The following VAPB variants were observed in gnomAD, a reference collection of about 807,000 sequenced individuals.
VAPB encodes the protein vesicle-associated membrane protein-associated protein B/C.
In VAPB, 7 loss-of-function variants were observed where a neutral mutation model predicts 25.6. The ratio of observed to expected loss-of-function variants is 0.27; its 90% confidence interval spans 0.16 to 0.51. VAPB has a LOEUF of 0.51. Among genes scored for constraint, VAPB ranks in the 20% least tolerant of loss-of-function variants. The pLI, the probability that VAPB is intolerant of heterozygous loss-of-function variation, is 0.97. For synonymous variants in VAPB, 112 were observed against 109.2 expected, an observed-to-expected ratio of 1.03 and a Z score of -0.16; for missense variants, 266 against 301.3, an observed-to-expected ratio of 0.88 and a Z score of 0.87.
rs1228344674 is a variant in VAPB, at chr20:58,446,678, C to G, written c.*2443C>G. The G allele has an allele frequency of 2.2e-6, 1 of 454,040 alleles. No homozygotes were observed. Among genetic ancestry groups the G allele is most frequent in the South Asian group, 1.6e-5 (1 of 64,470 alleles). 28.1% of individuals were successfully genotyped at this position (454,040 alleles called of 1,614,324 possible). ...AAAAATCAGTCTCTGAAGTCTCTCT[C>G]CCTTCTAGAGGTTAGGACTTGGTGA... On this transcript the variant is annotated 3_prime_UTR_variant, in exon 6 of 6. Coordinates refer to ENST00000475243, the MANE Select transcript of VAPB (RefSeq NM_004738.5).
chr20:58,407,663 G>GT (rs966758284), intron 1 of VAPB, among the ~76,000 whole-genome samples: 174 of 135,862 alleles, frequency 1.3e-3, no homozygotes, highest in African/African-American at 2.0e-3. Context: ...TTTTTTTTTT[G>GT]TTTTTTTTTT....
chr20:58,395,786 G>C lies in VAPB; in HGVS notation c.58+6269G>C, dbSNP rs1325916591. ...TGCTTTGGCCTTGCTCAGTGGGTATGTGCGTTCTTTGAAGTTCTTACCTGA... is the reference window on the plus strand; with the variant it reads ...TGCTTTGGCCTTGCTCAGTGGGTATCTGCGTTCTTTGAAGTTCTTACCTGA... On this transcript the variant is annotated intron_variant, in intron 1 of 5. Transcript: ENST00000475243. Among the ~76,000 whole-genome samples, 11 of 152,166 alleles carry C rather than the reference G, an allele frequency of 7.2e-5. No individual in the cohort carries two copies. In the East Asian group the frequency reaches 2.1e-3, roughly 29 times the overall value.
At position 58,389,275 on chromosome 20, in the gene VAPB, GC is replaced by G; in HGVS notation, c.-181del. 1 of 699,684 alleles carries G rather than the reference GC, an allele frequency of 1.4e-6. No homozygotes were observed. The highest frequency in any genetic ancestry group is 1.8e-5 in the African/African-American group (1 of 54,426). 43.3% of individuals were successfully genotyped at this position (699,684 alleles called of 1,614,324 possible). ...CACCGCGGCCTCGCCCTCGCCCTCC[GC>G]CCCTGCGCCTGCACCGCGTAGACCG... On this transcript the variant is annotated 5_prime_UTR_variant, in exon 1 of 6. Transcript: ENST00000475243.
chr20:58,402,079 T>C (rs1279447920), intron 1 of VAPB, among the ~76,000 whole-genome samples: 4 of 152,246 alleles, frequency 2.6e-5, no homozygotes, highest in Non-Finnish European at 4.4e-5. Context: ...GATGCAAATC[T>C]GAGCATATCT....
intron 2 of VAPB, among the ~76,000 whole-genome samples, chr20:58,424,978 A>G (rs1988755956): frequency 6.6e-6 from 1 of 152,264 alleles, no homozygotes; most frequent in African/African-American, 2.4e-5. Context: ...CATGATCTCA[A>G]CGTGTTCTGG....
At chr20:58,396,717 A>C (rs1277642046) in intron 1 of VAPB, among the ~76,000 whole-genome samples, 1 of 152,230 alleles carries the variant, frequency 6.6e-6, no homozygotes, top group African/African-American at 2.4e-5. Flanking sequence ...TTGCAATATA[A>C]GGGTAAAGAA....
intron 5 of VAPB, among the ~76,000 whole-genome samples, chr20:58,442,667 G>A (rs181538369): frequency 1.3e-5 from 2 of 152,320 alleles, no homozygotes; most frequent in South Asian, 2.1e-4. Context: ...ATATGTGCCC[G>A]GCACTGTGGA....
chr20:58,435,792 TTC>T (rs1257686240), intron 3 of VAPB, among the ~76,000 whole-genome samples: 1 of 152,198 alleles, frequency 6.6e-6, no homozygotes, highest in East Asian at 1.9e-4. Context: ...TATGAAAACT[TTC>T]TCTGATTTTC....
At chr20:58,427,659 G>T (rs1226313506) in intron 2 of VAPB, among the ~76,000 whole-genome samples, 2 of 151,936 alleles carry the variant, frequency 1.3e-5, no homozygotes, top group Non-Finnish European at 2.9e-5. Context: ...TTATGATGCA[G>T]GCAGAAGTGA....
At chr20:58,420,283 C>G (rs1174096550) in intron 2 of VAPB, among the ~76,000 whole-genome samples, 5 of 152,234 alleles carry the variant, frequency 3.3e-5, no homozygotes, top group Non-Finnish European at 7.3e-5. Flanking sequence ...CCGCGCCAGG[C>G]ATCTCCGTCT....
chr20:58,421,230 A>G (rs935324039), intron 2 of VAPB, among the ~76,000 whole-genome samples: 1 of 152,212 alleles, frequency 6.6e-6, no homozygotes, highest in Non-Finnish European at 1.5e-5. Context: ...TGTCTACCTT[A>G]CAGAATATAT....
chr20:58,398,942 T>C (rs1386022531), intron 1 of VAPB, among the ~76,000 whole-genome samples: 1 of 151,852 alleles, frequency 6.6e-6, no homozygotes, highest in Admixed American at 6.6e-5. Flanking sequence ...TTATTTATTA[T>C]GTTAGGAAGA....
chr20:58,418,934 A>G (rs1011437834), intron 2 of VAPB, among the ~76,000 whole-genome samples: 3 of 152,176 alleles, frequency 2.0e-5, no homozygotes, highest in African/African-American at 7.2e-5. Flanking sequence ...TCTGTCTGGG[A>G]GTGCATGTAT....
chr20:58,429,038 T>C (rs149153504), intron 2 of VAPB, among the ~76,000 whole-genome samples: 1 of 152,310 alleles, frequency 6.6e-6, no homozygotes, highest in African/African-American at 2.4e-5. Flanking sequence ...AAGTGAGTCT[T>C]TGGGGCCTGA....
intron 1 of VAPB, among the ~76,000 whole-genome samples, chr20:58,395,821 G>A (rs192393359): frequency 6.6e-6 from 1 of 152,280 alleles, no homozygotes; most frequent in Admixed American, 6.5e-5. Flanking sequence ...ACAGATGTGG[G>A]CAGCTGGCTT....
At chr20:58,439,525 A>G in intron 4 of VAPB, 1 of 184,016 alleles carries the variant, frequency 5.4e-6, no homozygotes, top group Non-Finnish European at 1.2e-5. Context: ...TTTGGGGCAA[A>G]TCCTTGGTGG....
chr20:58,447,874 G>A lies in VAPB; in HGVS notation c.*3639G>A. 2.2e-6 allele frequency: 1 copy of A among 453,974 alleles called. No homozygotes were observed. The highest frequency in any genetic ancestry group is 2.4e-5 in the Admixed American group (1 of 42,552). 28.1% of individuals were successfully genotyped at this position (453,974 alleles called of 1,614,324 possible). The stretch of plus-strand genomic sequence containing the variant: ...AGTTTGAGAAATACATGTATGAAGA[G>A]ATAGGGGTCTTGGGCTTCCCAGTGT... On this transcript the variant is annotated 3_prime_UTR_variant, in exon 6 of 6. Transcript: ENST00000475243.
intron 2 of VAPB, among the ~76,000 whole-genome samples, chr20:58,423,414 CAAAAAAAAAAAAAAAAAAAA>C (rs59133081): frequency 5.2e-3 from 180 of 34,774 alleles, no homozygotes; most frequent in Middle Eastern, 0.056. Flanking sequence ...CTCCATCTCA[CAAAAAAAAAAAAAAAAAAAA>C]AAAAAAAAAA....
chr20:58,446,539 A>G lies in VAPB; in HGVS notation c.*2304A>G, dbSNP rs1235187992. On this transcript the variant is annotated 3_prime_UTR_variant, in exon 6 of 6. Transcript: ENST00000475243. ...TGTGAGTCTGTAACAGTTCTTAAAA[A>G]GAATATCTGAGAAACTACTCTGTTT... 2.2e-6 allele frequency: 1 copy of G among 453,948 alleles called. No individual in the cohort carries two copies. The highest frequency in any genetic ancestry group is 4.4e-6 in the Non-Finnish European group (1 of 226,712). 28.1% of individuals were successfully genotyped at this position (453,948 alleles called of 1,614,324 possible). A position where few individuals can be genotyped will look rare whatever the true frequency, so the allele number is the denominator to read the frequency against.
Sources: allele counts gnomAD v4.1 joint callset (sites outside exome capture counted in the v4.1 genomes callset), GRCh38; gene constraint gnomAD v4.1.1; transcripts MANE v1.5; gene names NCBI Gene and HGNC (gene_info 2026-07-23, HGNC 2026-07-21).